Variants in MYNN observed in about 807,000 individuals in gnomAD.
MYNN encodes myoneurin.
Under a neutral mutation model 57.2 loss-of-function variants are expected in MYNN, and 22 were observed. The observed-to-expected ratio is 0.38, with a 90% CI of 0.27 to 0.55. The LOEUF (loss-of-function observed/expected upper bound fraction) is 0.55, where lower values mean the gene tolerates loss of function less well. Among genes scored for constraint, MYNN ranks in the 20% least tolerant of loss-of-function variants. MYNN has a pLI of 0.71. For missense variants in MYNN, 566 were observed against 723.1 expected (o/e 0.78, Z 2.49); for synonymous variants, 241 against 257.1 (o/e 0.94, Z 0.60).
intron 6 of MYNN, 150 bp downstream of exon 6, chr3:169,783,710 T>C: frequency 2.8e-6 from 2 of 710,950 alleles, no homozygotes; most frequent in Non-Finnish European, 5.2e-6. Context: ...ACTTATTTGC[T>C]TATTTTGTTT....
chr3:169,782,838 G>A lies in MYNN; in HGVS notation c.1399+195G>A, dbSNP rs145155594. Among the ~76,000 whole-genome samples the A allele has an allele frequency of 4.5e-3, 684 of 152,152 alleles. 9 individuals carry two copies. Among genetic ancestry groups the A allele is most frequent in the African/African-American group, 0.016 (650 of 41,514 alleles). On this transcript the variant is annotated intron_variant, in intron 5 of 7. Transcript: ENST00000349841. This position sits in a 1 kb window ranked among gnomAD's most constrained non-coding sequence, Gnocchi z 4.8. Reference sequence around the variant, plus strand: ...TTATTTTCTAGAATAATACAAGGTGGGTGAAATAAATTATATAACTTACAC... The same window carrying A: ...TTATTTTCTAGAATAATACAAGGTGAGTGAAATAAATTATATAACTTACAC...
At position 169,788,600 on chromosome 3, in the gene MYNN, T is replaced by C. The variant is rs2108213137; in HGVS notation, c.*1922T>C. The C allele has an allele frequency of 6.6e-6, 1 of 152,310 alleles. No homozygotes were observed. Among genetic ancestry groups the C allele is most frequent in the East Asian group, 1.9e-4 (1 of 5,194 alleles). 9.4% of individuals were successfully genotyped at this position (152,310 alleles called of 1,614,324 possible). A position where few individuals can be genotyped will look rare whatever the true frequency, so the allele number is the denominator to read the frequency against. ...CGTCATAATTCTATAAGGGCAATAG[T>C]TGCCAAATTTCCTCTGGTATTATTA... On this transcript the variant is annotated 3_prime_UTR_variant, in exon 8 of 8. Transcript: ENST00000349841.
chr3:169,773,599 TG>T (rs1778240189), intron 1 of MYNN, 137 bp downstream of exon 1: 1 of 152,906 alleles, frequency 6.5e-6, no homozygotes, highest in Admixed American at 6.5e-5. Context: ...CGGGGTGGCC[TG>T]GGCCACAACC....
Position 169,774,400 on chromosome 3 carries a change from TA to T in MYNN, c.108del (p.Ala37LeufsTer32). On this transcript the variant is annotated frameshift_variant, in exon 2 of 8. Transcript: ENST00000349841. LOFTEE classifies it high-confidence loss of function. Reference sequence around the variant, plus strand: ...CCATAGTGATTGGGGAATTCCAGTTTAAAGCTCATAGGAATGTGCTGGCCTC... The same window carrying T: ...CCATAGTGATTGGGGAATTCCAGTTTAAGCTCATAGGAATGTGCTGGCCTC... ...CTIVIGEFQF[K>X]AHRNVLASFS... The T allele has an allele frequency of 1.2e-6, 2 of 1,614,184 alleles. No individual in the cohort carries two copies. Among genetic ancestry groups the T allele is most frequent in the Non-Finnish European group, 1.7e-6 (2 of 1,180,006 alleles).
Position 169,779,206 on chromosome 3 carries a change from C to A in MYNN, c.705C>A (p.Leu235=). The change falls in exon 3 of 8, where the codon CTC becomes CTA. Residue 235 remains leucine, a synonymous_variant. Transcript: ENST00000349841. ...CACAAATAAATGATAATTCAGAACT[C>A]GAGTTGACATCAGTTGTGGAAAATA... ...QVAQINDNSE[L]ELTSVVENTF... 6.2e-7 allele frequency: 1 copy of A among 1,614,076 alleles called. No homozygotes were observed. Among genetic ancestry groups the A allele is most frequent in the South Asian group, 1.1e-5 (1 of 91,044 alleles).
chr3:169,786,841 T>G lies in MYNN; in HGVS notation c.*163T>G. ...CTGCATCACAACTGCAATGTTTGTT[T>G]TTATTTTTGGCTTTATGTCTATACT... On this transcript the variant is annotated 3_prime_UTR_variant, in exon 8 of 8. Transcript: ENST00000349841. 1 of 707,524 alleles carries G rather than the reference T, an allele frequency of 1.4e-6. No individual in the cohort carries two copies. The highest frequency in any genetic ancestry group is 2.3e-6 in the Non-Finnish European group (1 of 438,148). The allele number at this position is 707,524 out of a possible 1,614,324, so 43.8% of individuals were successfully genotyped here. A position where few individuals can be genotyped will look rare whatever the true frequency, so the allele number is the denominator to read the frequency against.
chr3:169,777,202 A>G (rs547740087), intron 2 of MYNN: 1 of 152,350 alleles, frequency 6.6e-6, no homozygotes, highest in African/African-American at 2.4e-5. Context: ...GAGGCAAAGC[A>G]AGTTTAATTA....
At position 169,787,950 on chromosome 3, in the gene MYNN, T is replaced by C. The variant is rs960599700; in HGVS notation, c.*1272T>C. 1.3e-4 allele frequency: 20 copies of C among 152,102 alleles called. No homozygotes were observed. The highest frequency in any genetic ancestry group is 4.6e-4 in the African/African-American group (19 of 41,424). 9.4% of individuals were successfully genotyped at this position (152,102 alleles called of 1,614,324 possible). A position where few individuals can be genotyped will look rare whatever the true frequency, so the allele number is the denominator to read the frequency against. ...TTTTTATAGTGCCAATCAAACAGCA[T>C]GGTGATATTCTTTTTCTTTTTTTTT... On this transcript the variant is annotated 3_prime_UTR_variant, in exon 8 of 8. Coordinates refer to ENST00000349841, the MANE Select transcript of MYNN (RefSeq NM_018657.5).
At chr3:169,784,843 A>G (rs1243764129) in intron 7 of MYNN, 135 bp downstream of exon 7, 4 of 452,874 alleles carry the variant, frequency 8.8e-6, no homozygotes, top group South Asian at 6.1e-5. Context: ...AACTAGGTAT[A>G]TACATGTGAG....
chr3:169,779,689 T>A, intron 3 of MYNN, 128 bp downstream of exon 3: 2 of 972,804 alleles, frequency 2.1e-6, no homozygotes, highest in Non-Finnish European at 3.0e-6. Context: ...TCAAAGTATT[T>A]AACAGTGTTA....
chr3:169,774,709 TC>T, intron 2 of MYNN, 148 bp downstream of exon 2: 7 of 732,446 alleles, frequency 9.6e-6, no homozygotes, highest in South Asian at 1.8e-5. Context: ...GAAATCAGTA[TC>T]ACTGATTTAG....
chr3:169,773,991 A>G, intron 1 of MYNN: 1 of 342,730 alleles, frequency 2.9e-6, no homozygotes, highest in Non-Finnish European at 5.4e-6. Context: ...TGAGGGTTCA[A>G]CAGATGTGAA....
rs543066874 is a variant in MYNN, at chr3:169,776,828, C to T, written c.267-1940C>T. ...AAGGGATTCTCCTGCCTCAGCCTCCCGAGTAGCTGGAATTACAGGCACCCG... is the reference window on the plus strand; with the variant it reads ...AAGGGATTCTCCTGCCTCAGCCTCCTGAGTAGCTGGAATTACAGGCACCCG... On this transcript the variant is annotated intron_variant, in intron 2 of 7. Coordinates refer to ENST00000349841, the MANE Select transcript of MYNN (RefSeq NM_018657.5). 9.9e-5 allele frequency among the ~76,000 whole-genome samples: 15 copies of T among 151,180 alleles called. No homozygotes were observed. In the South Asian group the frequency reaches 1.5e-3, roughly 15 times the overall value.
chr3:169,784,598 T>G (rs1170683442), intron 6 of MYNN, 24 bp from the exon 7 acceptor site: 1 of 1,447,640 alleles, frequency 6.9e-7, no homozygotes, highest in African/African-American at 1.5e-5. Flanking sequence ...ATATTGAAAT[T>G]TAAACTTCTA....
chr3:169,777,885 G>GTTCCTCTAAGTGGA (rs1778393837), intron 2 of MYNN: 1 of 152,200 alleles, frequency 6.6e-6, no homozygotes. Context: ...CTAAAACCTT[G>GTTCCTCTAAGTGGA]TTCCTCTAAG....
intron 3 of MYNN, chr3:169,780,084 G>A (rs1338846172): frequency 6.4e-6 from 1 of 156,838 alleles, no homozygotes; most frequent in Non-Finnish European, 1.4e-5. Context: ...CTGAGACAGA[G>A]TCTCACTGTG....
Position 169,784,696 on chromosome 3 carries a change from A to G in MYNN, c.1558A>G (p.Lys520Glu), listed in dbSNP as rs760263422. 14 of 1,573,410 alleles carry G rather than the reference A, an allele frequency of 8.9e-6. No individual in the cohort carries two copies. In the African/African-American group the frequency reaches 1.5e-4, roughly 17 times the overall value. The change falls in exon 7 of 8, where the codon AAA (lysine) becomes GAA (glutamate). Residue 520 changes from lysine (K) to glutamate (E), a missense_variant. Transcript: ENST00000349841. ...TAAAAATTTAAAGAAGCACAAAACA[A>G]AAGTCCATTCTGGTAAATGCTTGTG... Reference protein sequence around the residue: ...DIKNLKKHKTKVHSGADKTLD... With the variant: ...DIKNLKKHKTEVHSGADKTLD...
chr3:169,786,436 T>G lies in MYNN; in HGVS notation c.1591T>G (p.Ser531Ala). ...VHSGADKTLD[S>A]SAEDHTLSEQ... is the part of the protein sequence containing the mutation. ...TCTAGGTGCAGATAAAACTCTAGACTCCAGTGCAGAGGATCATACTTTGAG... is the reference window on the plus strand; with the variant it reads ...TCTAGGTGCAGATAAAACTCTAGACGCCAGTGCAGAGGATCATACTTTGAG... The change falls in exon 8 of 8, where the codon TCC (serine) becomes GCC (alanine). Residue 531 changes from serine to alanine, a missense_variant. Physicochemically the swap from Ser to Ala is moderately conservative, Grantham distance 99. Transcript: ENST00000349841. 2 of 1,613,172 alleles carry G rather than the reference T, an allele frequency of 1.2e-6. No individual in the cohort carries two copies. The highest frequency in any genetic ancestry group is 1.7e-6 in the Non-Finnish European group (2 of 1,179,330).
In MYNN at chr3:169,782,008, G is replaced by A. The variant is rs1348672819; in HGVS notation, c.1221-457G>A. Among the ~76,000 whole-genome samples, 2 of 152,122 alleles carry A rather than the reference G, an allele frequency of 1.3e-5. No homozygotes were observed. Among genetic ancestry groups the A allele is most frequent in the Admixed American group, 6.5e-5 (1 of 15,278 alleles). Reference sequence around the variant, plus strand: ...GTAGGACTGGGGAAACTGCAGAAGTGATATCATTAAGTAGGATCTCAAGTA... The same window carrying A: ...GTAGGACTGGGGAAACTGCAGAAGTAATATCATTAAGTAGGATCTCAAGTA... On this transcript the variant is annotated intron_variant, in intron 4 of 7. Coordinates refer to ENST00000349841, the MANE Select transcript of MYNN (RefSeq NM_018657.5). The surrounding 1 kb of genome is among the most constrained non-coding windows in gnomAD (Gnocchi z 4.8).
Sources: gnomAD v4.1 joint callset for allele counts (sites outside exome capture counted in the v4.1 genomes callset) on GRCh38, gnomAD v4.1.1 for gene constraint, Gnocchi (gnomAD v3.1) non-coding constraint, MANE v1.5 for transcripts, NCBI Gene and HGNC (gene_info 2026-07-23, HGNC 2026-07-21) for gene names.